Variants in SYT9 observed in about 807,000 individuals in gnomAD.
SYT9 encodes synaptotagmin-9.
In SYT9, 22 loss-of-function variants were observed where a neutral mutation model predicts 48.4. The observed-to-expected ratio is 0.45, with a 90% CI of 0.32 to 0.65. The LOEUF (loss-of-function observed/expected upper bound fraction) is 0.65. Ranked by LOEUF, SYT9 falls within the 30% of genes least tolerant of loss-of-function variation. The pLI is 0.03. For synonymous variants in SYT9, 265 were observed against 245.0 expected (o/e 1.08, Z -0.76); for missense variants, 577 against 622.0 (o/e 0.93, Z 0.77).
intron 3 of SYT9, among the ~76,000 whole-genome samples, chr11:7,386,027 C>T (rs1439903199): frequency 6.6e-6 from 1 of 152,100 alleles, no homozygotes; most frequent in East Asian, 1.9e-4. Context: ...TTAGACTTTC[C>T]TTAACTTTGC....
intron 1 of SYT9, among the ~76,000 whole-genome samples, chr11:7,268,825 A>G (rs894066249): frequency 2.6e-5 from 4 of 152,114 alleles, no homozygotes; most frequent in Non-Finnish European, 5.9e-5. Context: ...TGCAAGCATC[A>G]CTATAAATCA....
At chr11:7,365,745 T>G (rs1850228479) in intron 3 of SYT9, among the ~76,000 whole-genome samples, 1 of 152,254 alleles carries the variant, frequency 6.6e-6, no homozygotes, top group Non-Finnish European at 1.5e-5. Context: ...TAATTTTGCT[T>G]TTTCTAGTTG....
chr11:7,317,842 A>G (rs1849268755), intron 3 of SYT9, among the ~76,000 whole-genome samples: 1 of 152,150 alleles, frequency 6.6e-6, no homozygotes, highest in African/African-American at 2.4e-5. Context: ...GAATAGCACA[A>G]TTTGCAAATT....
At chr11:7,455,785 T>C (rs1281124955) in intron 6 of SYT9, among the ~76,000 whole-genome samples, 1 of 152,224 alleles carries the variant, frequency 6.6e-6, no homozygotes, top group East Asian at 1.9e-4. Context: ...ACTTAGTCCC[T>C]CATGGTATCA....
At chr11:7,411,295 A>G (rs1847132942) in intron 3 of SYT9, among the ~76,000 whole-genome samples, 1 of 151,624 alleles carries the variant, frequency 6.6e-6, no homozygotes, top group Middle Eastern at 3.2e-3. Flanking sequence ...TACCATTTGA[A>G]TTCTTTCTCT....
chr11:7,402,308 A>T (rs568715170), intron 3 of SYT9, among the ~76,000 whole-genome samples: 1 of 152,012 alleles, frequency 6.6e-6, no homozygotes, highest in Non-Finnish European at 1.5e-5. Context: ...TGTAGGATGG[A>T]GTATTGATGG....
intron 4 of SYT9, among the ~76,000 whole-genome samples, chr11:7,416,714 AG>A (rs1437633426): frequency 6.6e-6 from 1 of 152,186 alleles, no homozygotes; most frequent in Non-Finnish European, 1.5e-5. Flanking sequence ...ATTTTATATA[AG>A]GGACCTGAGC....
At chr11:7,417,682 A>G (rs1368565972) in intron 4 of SYT9, among the ~76,000 whole-genome samples, 1 of 152,216 alleles carries the variant, frequency 6.6e-6, no homozygotes, top group Non-Finnish European at 1.5e-5. Flanking sequence ...TCTAGCTGGA[A>G]TGTCTCCTAA....
chr11:7,426,275 ATGGC>A (rs1488015269), intron 6 of SYT9, among the ~76,000 whole-genome samples: 1 of 152,006 alleles, frequency 6.6e-6, no homozygotes, highest in Non-Finnish European at 1.5e-5. Context: ...GCTGAGGATC[ATGGC>A]TGGTGTAACT....
intron 3 of SYT9, among the ~76,000 whole-genome samples, chr11:7,314,863 A>T (rs1053646907): frequency 4.6e-5 from 7 of 152,206 alleles, no homozygotes; most frequent in Admixed American, 1.3e-4. Context: ...TGGACCAAGC[A>T]CCACCGTCTT....
chr11:7,275,356 A>G lies in SYT9; in HGVS notation c.145+23025A>G, dbSNP rs529575832. Among the ~76,000 whole-genome samples the G allele has an allele frequency of 8.5e-5, 13 of 152,282 alleles. No homozygotes were observed. The East Asian group carries it at 2.5e-3, about 29-fold the overall frequency. ...CCACTTCTCTGAGGCTGCTGTAACT[A>G]CAGCCATCAATGACCTGCTAATTGC... On this transcript the variant is annotated intron_variant, in intron 1 of 6. Coordinates refer to ENST00000318881, the MANE Select transcript of SYT9 (RefSeq NM_175733.4).
intron 3 of SYT9, among the ~76,000 whole-genome samples, chr11:7,317,260 C>A (rs549088287): frequency 6.6e-6 from 1 of 152,262 alleles, no homozygotes; most frequent in South Asian, 2.1e-4. Flanking sequence ...TTTAATCCAT[C>A]TAGAATGGAA....
At chr11:7,296,877 G>A (rs1204039322) in intron 1 of SYT9, among the ~76,000 whole-genome samples, 1 of 151,990 alleles carries the variant, frequency 6.6e-6, no homozygotes, top group East Asian at 1.9e-4. Context: ...GAGCTGTCTG[G>A]TCCCACCTGT....
chr11:7,280,753 G>GATGTAAGTACTATAC, intron 1 of SYT9, among the ~76,000 whole-genome samples: 1 of 142,766 alleles, frequency 7.0e-6, no homozygotes, highest in African/African-American at 2.6e-5. Context: ...GGATACTATA[G>GATGTAAGTACTATAC]ATGTAAGTAC....
intron 5 of SYT9, 64 bp downstream of exon 5, chr11:7,418,192 G>C: frequency 1.3e-6 from 2 of 1,547,000 alleles, no homozygotes; most frequent in Non-Finnish European, 1.7e-6. Context: ...AAGGCAGAGG[G>C]GGAGCAGCAG....
intron 1 of SYT9, among the ~76,000 whole-genome samples, chr11:7,284,626 C>CT (rs1449553951): frequency 6.6e-6 from 1 of 151,802 alleles, no homozygotes; most frequent in Non-Finnish European, 1.5e-5. Context: ...TCTCTCTCAC[C>CT]TTGAAGTTCT....
chr11:7,371,959 G>A (rs1196777597), intron 3 of SYT9, among the ~76,000 whole-genome samples: 1 of 152,118 alleles, frequency 6.6e-6, no homozygotes, highest in African/African-American at 2.4e-5. Flanking sequence ...TATGAATACA[G>A]CTGCTATGAT....
intron 3 of SYT9, among the ~76,000 whole-genome samples, chr11:7,323,864 C>T (rs2133967916): frequency 6.7e-6 from 1 of 148,372 alleles, no homozygotes; most frequent in Non-Finnish European, 1.5e-5. Context: ...TGTGACTAAA[C>T]TTGTGAGTGA....
At chr11:7,389,750 T>C (rs1422093787) in intron 3 of SYT9, among the ~76,000 whole-genome samples, 1 of 151,950 alleles carries the variant, frequency 6.6e-6, no homozygotes, top group Non-Finnish European at 1.5e-5. Context: ...AAACAAGTTA[T>C]CCAGATAACT....
Sources: allele counts gnomAD v4.1 joint callset (sites outside exome capture counted in the v4.1 genomes callset), GRCh38; gene constraint gnomAD v4.1.1; transcripts MANE v1.5; gene names NCBI Gene and HGNC (gene_info 2026-07-23, HGNC 2026-07-21).